The following COL5A3 variants were observed in gnomAD, a reference collection of about 807,000 sequenced individuals.
COL5A3 encodes collagen alpha-3(V) chain.
Under a neutral mutation model 250.0 loss-of-function variants are expected in COL5A3, and 172 were observed. The observed-to-expected ratio is 0.69, with a 90% CI of 0.61 to 0.78. The LOEUF (loss-of-function observed/expected upper bound fraction) is 0.78, where lower values mean the gene tolerates loss of function less well. Ranked by LOEUF, COL5A3 falls within the 30% of genes least tolerant of loss-of-function variation. The pLI is 0.00. For synonymous variants in COL5A3, 937 were observed against 900.4 expected (o/e 1.04, Z -0.73); for missense variants, 2,340 against 2,334.4 (o/e 1.00, Z -0.05).
At chr19:9,961,534 CTT>C (rs1234344243) in intron 65 of COL5A3, among the ~76,000 whole-genome samples, 6 of 130,442 alleles carry the variant, frequency 4.6e-5, no homozygotes, top group Admixed American at 7.7e-5. Flanking sequence ...CTGGCTGGGA[CTT>C]TTTTTTTTTT....
Position 9,988,847 on chromosome 19 carries a change from A to G in COL5A3, c.2145+277T>C, listed in dbSNP as rs1280955899. 5.1e-5 allele frequency among the ~76,000 whole-genome samples: 4 copies of G among 78,882 alleles called. No individual in the cohort carries two copies. The East Asian group carries it at 1.8e-3, about 36-fold the overall frequency. 51.7% of individuals were successfully genotyped at this position (78,882 alleles called of 152,430 possible). On this transcript the variant is annotated intron_variant, in intron 27 of 66. Transcript: ENST00000264828. ...AGACTCTGTCTCAAAAAAAAAAAAA[A>G]AAAAAAAAAAAGAAAGTAAAGAAAA...
intron 8 of COL5A3, among the ~76,000 whole-genome samples, chr19:10,000,234 T>A (rs1355812466): frequency 1.3e-5 from 2 of 152,140 alleles, no homozygotes; most frequent in Non-Finnish European, 2.9e-5. Flanking sequence ...TCTCTCTTGT[T>A]TTCCTTTCAA....
intron 54 of COL5A3, among the ~76,000 whole-genome samples, 191 bp downstream of exon 54, chr19:9,970,414 TGGGGGCTGTAAGGTGAG>T (rs2086823210): frequency 5.3e-5 from 1 of 18,768 alleles, no homozygotes; most frequent in Non-Finnish European, 8.7e-5. Context: ...GTGGGGTGAG[TGGGGGCTGTAAGGTGAG>T]TGGGGTCTGT....
At position 9,960,020 on chromosome 19, in the gene COL5A3, A is replaced by C; in HGVS notation, c.*391T>G. ...CCAGTGCTTAACTCTGGGGAGGGGT[A>C]GCACCAAAAGGTGTGAAGGGCAGCG... is the stretch of plus-strand genomic sequence containing the variant. On this transcript the variant is annotated 3_prime_UTR_variant, in exon 67 of 67. Transcript: ENST00000264828. 1 of 231,256 alleles carries C rather than the reference A, an allele frequency of 4.3e-6. No individual in the cohort carries two copies. The highest frequency in any genetic ancestry group is 8.7e-6 in the Non-Finnish European group (1 of 115,336). The allele number at this position is 231,256 out of a possible 1,614,324, so 14.3% of individuals were successfully genotyped here.
rs148832601 is a variant in COL5A3 at position 9,981,099 on chromosome 19, G to A, written c.2494C>T (p.Arg832Trp). The change falls in exon 33 of 67, where the codon CGG (arginine) becomes TGG (tryptophan). Residue 832 changes from arginine (R) to tryptophan (W), a missense_variant. Coordinates refer to ENST00000264828, the MANE Select transcript of COL5A3 (RefSeq NM_015719.4). Reference protein sequence around the residue: ...KTGQPGLEGERGPPGSRGERG... With the variant: ...KTGQPGLEGEWGPPGSRGERG... ...GTCTATTTTCTTACTGGTGGTCCCC[G>A]CTCTCCTTCCAGGCCTGGCTGCCCT... 29 of 1,613,706 alleles carry A rather than the reference G, an allele frequency of 1.8e-5. No individual in the cohort carries two copies. The East Asian group carries it at 2.7e-4, about 15-fold the overall frequency.
chr19:9,967,389 G>A lies in COL5A3; in HGVS notation c.4416C>T (p.Gly1472=), dbSNP rs2086766277. 2 of 1,481,152 alleles carry A rather than the reference G, an allele frequency of 1.4e-6. No individual in the cohort carries two copies. Among genetic ancestry groups the A allele is most frequent in the Non-Finnish European group, 1.8e-6 (2 of 1,125,652 alleles). The allele number at this position is 1,481,152 out of a possible 1,614,324, so 91.8% of individuals were successfully genotyped here. The change falls in exon 62 of 67, where the codon GGC becomes GGT. Residue 1472 remains glycine, a synonymous_variant. Transcript: ENST00000264828. Reference sequence around the variant, plus strand: ...CTGCAGGTCCAGTGTCTCCACGGGGGCCCATGGACCCCTGTAGGGAGAAGT... The same window carrying A: ...CTGCAGGTCCAGTGTCTCCACGGGGACCCATGGACCCCTGTAGGGAGAAGT... ...KGSKGSPGSM[G]PRGDTGPAGP...
chr19:9,967,384 C>CG lies in COL5A3; in HGVS notation c.4420dup (p.Arg1474ProfsTer83). The CG allele has an allele frequency of 6.8e-7, 1 of 1,479,578 alleles. No individual in the cohort carries two copies. The highest frequency in any genetic ancestry group is 3.1e-5 in the Admixed American group (1 of 32,696). 91.7% of individuals were successfully genotyped at this position (1,479,578 alleles called of 1,614,324 possible). On this transcript the variant is annotated frameshift_variant, in exon 62 of 67. Transcript: ENST00000264828. LOFTEE classifies it high-confidence loss of function. Reference sequence around the variant, plus strand: ...TGGGCCTGCAGGTCCAGTGTCTCCACGGGGGCCCATGGACCCCTGTAGGGA... The same window carrying CG: ...TGGGCCTGCAGGTCCAGTGTCTCCACGGGGGGCCCATGGACCCCTGTAGGGA...
intron 64 of COL5A3, among the ~76,000 whole-genome samples, chr19:9,964,521 T>C (rs948624477): frequency 2.6e-5 from 4 of 151,862 alleles, no homozygotes; most frequent in East Asian, 1.9e-4. Context: ...AGGAGGATCA[T>C]TGAACCCAGG....
chr19:10,007,244 C>T (rs1255552886), intron 1 of COL5A3, among the ~76,000 whole-genome samples: 1 of 152,112 alleles, frequency 6.6e-6, no homozygotes, highest in Non-Finnish European at 1.5e-5. Context: ...CCTCTGACCT[C>T]CTCCCTCTGA....
intron 31 of COL5A3, among the ~76,000 whole-genome samples, chr19:9,982,456 G>A (rs1238607659): frequency 2.6e-5 from 4 of 152,050 alleles, no homozygotes; most frequent in Non-Finnish European, 5.9e-5. Context: ...CTTCCACATT[G>A]CCCAAGTCAC....
chr19:9,977,291 G>A lies in COL5A3; in HGVS notation c.3235-9C>T. Reference sequence around the variant, plus strand: ...GGGGCACCCACATCCCCCTGCAGAGGAAATGGGATGAAGGACCCAGCTTCC... The same window carrying A: ...GGGGCACCCACATCCCCCTGCAGAGAAAATGGGATGAAGGACCCAGCTTCC... On this transcript the variant is annotated splice_polypyrimidine_tract_variant and intron_variant, in intron 43 of 66. Coordinates refer to ENST00000264828, the MANE Select transcript of COL5A3 (RefSeq NM_015719.4). The A allele has an allele frequency of 1.9e-6, 3 of 1,614,012 alleles. No individual in the cohort carries two copies. Among genetic ancestry groups the A allele is most frequent in the Non-Finnish European group, 2.5e-6 (3 of 1,179,954 alleles).
chr19:9,970,095 C>G lies in COL5A3; in HGVS notation c.3937-173G>C, dbSNP rs796593793. Among the ~76,000 whole-genome samples the G allele has an allele frequency of 5.6e-3, 55 of 9,882 alleles. 4 individuals carry two copies. The highest frequency in any genetic ancestry group is 0.013 in the South Asian group (3 of 226). 6.5% of individuals were successfully genotyped at this position (9,882 alleles called of 152,430 possible). On this transcript the variant is annotated intron_variant, in intron 54 of 66. Transcript: ENST00000264828. ...GGCTGTGGGTGAGTGGGGGCTGTGG[C>G]TGAGTGGAGGCTGTGGGTGAGTGGA...
rs73007134 is a variant in COL5A3, at chr19:10,009,089, C to A, written c.88+1209G>T. ...ATGTGGATGTGTGAGCGTGGGAATG[C>A]GGCATAGTCCAATCAGGGATTAACC... On this transcript the variant is annotated intron_variant, in intron 1 of 66. Coordinates refer to ENST00000264828, the MANE Select transcript of COL5A3 (RefSeq NM_015719.4). The surrounding 1 kb of genome is among the most constrained non-coding windows in gnomAD (Gnocchi z 4.4). Among the ~76,000 whole-genome samples, 3,430 of 151,718 alleles carry A rather than the reference C, an allele frequency of 0.023. 64 individuals are homozygous for A. Among genetic ancestry groups the A allele is most frequent in the South Asian group, 0.059 (284 of 4,816 alleles).
intron 55 of COL5A3, 81 bp from the exon 56 acceptor site, chr19:9,969,763 G>A (rs903258267): frequency 3.6e-5 from 57 of 1,567,720 alleles, no homozygotes; most frequent in East Asian, 4.5e-5. Flanking sequence ...ATCTGGGATC[G>A]GGAGGGAGTA....
chr19:9,980,554 A>G, intron 35 of COL5A3, 94 bp downstream of exon 35: 1 of 1,518,724 alleles, frequency 6.6e-7, no homozygotes, highest in Non-Finnish European at 8.9e-7. Flanking sequence ...CTGCATTATA[A>G]TGTCTCTTCA....
chr19:9,970,369 TG>T (rs2145066680), intron 54 of COL5A3, among the ~76,000 whole-genome samples: 1 of 77,794 alleles, frequency 1.3e-5, no homozygotes, highest in African/African-American at 5.1e-5. Context: ...GTGGGGTCTG[TG>T]GGGTAAGCGG....
chr19:9,973,100 G>A, intron 50 of COL5A3, 74 bp from the exon 51 acceptor site: 2 of 1,363,350 alleles, frequency 1.5e-6, no homozygotes, highest in Non-Finnish European at 2.0e-6. Flanking sequence ...CTTGGATTCA[G>A]GCATTGGGGT....
At chr19:9,995,647 G>T (rs1180317306) in intron 15 of COL5A3, 30 bp from the exon 16 acceptor site, 1 of 1,519,108 alleles carries the variant, frequency 6.6e-7, no homozygotes, top group East Asian at 2.3e-5. Context: ...AGGAAGGAAA[G>T]GAAAATAAGA....
At chr19:9,970,466 T>C (rs1196958352) in intron 54 of COL5A3, among the ~76,000 whole-genome samples, 156 bp downstream of exon 54, 2 of 24,052 alleles carry the variant, frequency 8.3e-5, no homozygotes, top group African/African-American at 1.8e-4. Context: ...TGTGGGTGTG[T>C]GGGGTCTGTG....
Sources: allele counts gnomAD v4.1 joint callset (sites outside exome capture counted in the v4.1 genomes callset), GRCh38; gene constraint gnomAD v4.1.1; non-coding constraint Gnocchi (gnomAD v3.1); transcripts MANE v1.5; gene names NCBI Gene and HGNC (gene_info 2026-07-23, HGNC 2026-07-21).